Variants in BICRA observed in about 807,000 individuals in gnomAD.
BICRA encodes BRD4-interacting chromatin-remodeling complex-associated protein.
In BICRA, 31 loss-of-function variants were observed where a neutral mutation model predicts 96.9. The ratio of observed to expected loss-of-function variants is 0.32; its 90% CI spans 0.24 to 0.43. The LOEUF is 0.43. Ranked by LOEUF, BICRA falls within the 20% of genes least tolerant of loss-of-function variation. The pLI is 1.00. For synonymous variants in BICRA, 1,350 were observed against 1,071.8 expected, an observed-to-expected ratio of 1.26 and a Z score of -5.07; for missense variants, 2,283 against 2,190.3, an observed-to-expected ratio of 1.04 and a Z score of -0.84.
Position 47,699,444 on chromosome 19 carries a change from G to A in BICRA, c.3595+39G>A. 1 of 1,138,872 alleles carries A rather than the reference G, an allele frequency of 8.8e-7. No individual in the cohort carries two copies. The highest frequency in any genetic ancestry group is 1.3e-6 in the Non-Finnish European group (1 of 770,884). The allele number at this position is 1,138,872 out of a possible 1,614,324, so 70.5% of individuals were successfully genotyped here. A position where few individuals can be genotyped will look rare whatever the true frequency, so the allele number is the denominator to read the frequency against. ...GTGAGAGGGGAGGGGAGGGAGAGGTGCCCCCACCCCACCTGGGCAGAAGAG... is the reference window on the plus strand; with the variant it reads ...GTGAGAGGGGAGGGGAGGGAGAGGTACCCCCACCCCACCTGGGCAGAAGAG... On this transcript the variant is annotated intron_variant, in intron 14 of 14. Coordinates refer to ENST00000594866, the MANE Select transcript of BICRA (RefSeq NM_001394372.1). The surrounding 1 kb of genome is among the most constrained non-coding windows in gnomAD (Gnocchi z 5.0).
At chr19:47,618,473 T>C (rs1972015656) in intron 1 of BICRA, among the ~76,000 whole-genome samples, 1 of 152,110 alleles carries the variant, frequency 6.6e-6, no homozygotes, top group African/African-American at 2.4e-5. Flanking sequence ...ACGGTCACTA[T>C]TGTTAGTGTT....
intron 1 of BICRA, among the ~76,000 whole-genome samples, chr19:47,619,133 C>T (rs2913993): frequency 0.85 from 129,652 of 151,688 alleles, 55,543 homozygotes; most frequent in Admixed American, 0.89. Flanking sequence ...AGAACGTGCG[C>T]GGTGATCTCC....
intron 5 of BICRA, among the ~76,000 whole-genome samples, chr19:47,678,507 G>A (rs897033736): frequency 1.4e-4 from 21 of 152,156 alleles, no homozygotes; most frequent in Admixed American, 1.1e-3. Flanking sequence ...TGCGATGCAG[G>A]ATCACGTTGG....
At chr19:47,640,823 CACTT>C (rs1456340941) in intron 1 of BICRA, among the ~76,000 whole-genome samples, 2 of 151,754 alleles carry the variant, frequency 1.3e-5, no homozygotes, top group East Asian at 1.9e-4. Flanking sequence ...GATTTGAAAA[CACTT>C]ACCCAGTGGC....
chr19:47,627,559 C>T (rs909777204), intron 1 of BICRA, among the ~76,000 whole-genome samples: 3 of 152,134 alleles, frequency 2.0e-5, no homozygotes, highest in Non-Finnish European at 2.9e-5. Flanking sequence ...AGCACTTCTG[C>T]GAAGATTTCT....
At position 47,675,322 on chromosome 19, in the gene BICRA, T is replaced by A. The variant is rs369183391; in HGVS notation, c.85-529T>A. ...TGGACATACATTCACTGGGCACATA[T>A]GTGGATGCCAGGGCCTGTTCTGGGC... On this transcript the variant is annotated intron_variant, in intron 4 of 14. Coordinates refer to ENST00000594866, the MANE Select transcript of BICRA (RefSeq NM_001394372.1). The surrounding 1 kb of genome is among the most constrained non-coding windows in gnomAD (Gnocchi z 4.7). Among the ~76,000 whole-genome samples the A allele has an allele frequency of 6.6e-6, 1 of 152,196 alleles. No homozygotes were observed. Among genetic ancestry groups the A allele is most frequent in the South Asian group, 2.1e-4 (1 of 4,836 alleles).
At chr19:47,642,324 T>C (rs1258114131) in intron 1 of BICRA, among the ~76,000 whole-genome samples, 1 of 152,226 alleles carries the variant, frequency 6.6e-6, no homozygotes, top group African/African-American at 2.4e-5. Context: ...AGTCTTTGTG[T>C]GGACCTATGC....
At position 47,702,920 on chromosome 19, in the gene BICRA, C is replaced by T; in HGVS notation, c.*505C>T. ...GGGGGTGGGGGAGCCAGCCTCCCAG[C>T]GTGCTGTGCCCGCAGGCACCCGTGT... On this transcript the variant is annotated 3_prime_UTR_variant, in exon 15 of 15. Transcript: ENST00000594866. 1 of 177,964 alleles carries T rather than the reference C, an allele frequency of 5.6e-6. No homozygotes were observed. The highest frequency in any genetic ancestry group is 1.2e-5 in the Non-Finnish European group (1 of 86,078). The allele number at this position is 177,964 out of a possible 1,614,324, so 11.0% of individuals were successfully genotyped here.
At chr19:47,662,832 A>T (rs971702876) in intron 1 of BICRA, 2 of 152,188 alleles carry the variant, frequency 1.3e-5, no homozygotes, top group African/African-American at 4.8e-5. Context: ...GCCACTTTGC[A>T]ATCAACCACA....
At position 47,702,213 on chromosome 19, in the gene BICRA, A is replaced by C. The variant is rs1015712984; in HGVS notation, c.4481A>C (p.Asp1494Ala). The C allele has an allele frequency of 6.3e-7, 1 of 1,597,340 alleles. No homozygotes were observed. The highest frequency in any genetic ancestry group is 8.5e-7 in the Non-Finnish European group (1 of 1,177,178). The stretch of plus-strand genomic sequence containing the variant: ...AGCTTCTCCAGCGACAGCCCGCAGG[A>C]TGACACGCTCACCGAGCACCTGCAG... ...QASFSSDSPQ[D>A]DTLTEHLQSA... The change falls in exon 15 of 15, where the codon GAT becomes GCT. Residue 1494 changes from aspartate (D) to alanine (A), a missense_variant. Asp to Ala is a moderately radical substitution (Grantham distance 126). Transcript: ENST00000594866.
chr19:47,702,555 C>A lies in BICRA; in HGVS notation c.*140C>A, dbSNP rs995660285. ...CCTAAGTTATTTGAGTCACAAAGGC[C>A]TCCTTCCCTGCCGCCTGCTTCAGCT... is the stretch of plus-strand genomic sequence containing the variant. On this transcript the variant is annotated 3_prime_UTR_variant, in exon 15 of 15. Transcript: ENST00000594866. 4.0e-6 allele frequency: 4 copies of A among 990,860 alleles called. No homozygotes were observed. In the African/African-American group the frequency reaches 5.2e-5, roughly 13 times the overall value. 61.4% of individuals were successfully genotyped at this position (990,860 alleles called of 1,614,324 possible).
At position 47,698,604 on chromosome 19, in the gene BICRA, GT is replaced by G; in HGVS notation, c.3249-29del. On this transcript the variant is annotated intron_variant, in intron 11 of 14. Coordinates refer to ENST00000594866, the MANE Select transcript of BICRA (RefSeq NM_001394372.1). This position sits in a 1 kb window ranked among gnomAD's most constrained non-coding sequence, Gnocchi z 4.8. ...TCACCCGTCCCCCCCACCCTCCGCC[GT>G]GTGTGGTCTCTCCCCTTTCCACCCG... 2 of 557,588 alleles carry G rather than the reference GT, an allele frequency of 3.6e-6. No individual in the cohort carries two copies. The highest frequency in any genetic ancestry group is 6.7e-6 in the Non-Finnish European group (2 of 296,800). The allele number at this position is 557,588 out of a possible 1,614,324, so 34.5% of individuals were successfully genotyped here.
At chr19:47,676,846 G>A (rs1972949705) in intron 5 of BICRA, among the ~76,000 whole-genome samples, 1 of 151,696 alleles carries the variant, frequency 6.6e-6, no homozygotes, top group Admixed American at 6.6e-5. Flanking sequence ...TTCTTACCAC[G>A]ACCATCATTT....
intron 11 of BICRA, among the ~76,000 whole-genome samples, chr19:47,697,400 A>C (rs77556270): frequency 9.5e-5 from 14 of 147,132 alleles, no homozygotes; most frequent in African/African-American, 2.2e-4. Context: ...GCCCTCACCC[A>C]AAAAAAAAAA....
intron 1 of BICRA, among the ~76,000 whole-genome samples, chr19:47,633,541 C>G (rs1363452067): frequency 1.3e-5 from 2 of 152,158 alleles, no homozygotes; most frequent in African/African-American, 4.8e-5. Context: ...AGGCAACAGC[C>G]AGACCCTTAG....
In BICRA at chr19:47,648,678, TG is replaced by T. The variant is rs200964557; in HGVS notation, c.-107-21764del. On this transcript the variant is annotated intron_variant, in intron 1 of 14. Transcript: ENST00000594866. ...CCTGAGGTCAGGAGTTTTTTTTTTTTGTTTGTTTTTTTTTTTTTGAGACAGA... is the reference window on the plus strand; with the variant it reads ...CCTGAGGTCAGGAGTTTTTTTTTTTTTTTGTTTTTTTTTTTTTGAGACAGA... Among the ~76,000 whole-genome samples, 87 of 147,982 alleles carry T rather than the reference TG, an allele frequency of 5.9e-4. 1 individual carries two copies. Among genetic ancestry groups the T allele is most frequent in the African/African-American group, 1.6e-3 (65 of 40,194 alleles).
intron 1 of BICRA, among the ~76,000 whole-genome samples, chr19:47,628,187 A>T (rs530092770): frequency 6.6e-6 from 1 of 152,130 alleles, no homozygotes; most frequent in African/African-American, 2.4e-5. Flanking sequence ...TATTATTACT[A>T]ACCCCTCTTC....
chr19:47,689,863 T>TA (rs1304209031), intron 7 of BICRA, among the ~76,000 whole-genome samples: 7 of 152,244 alleles, frequency 4.6e-5, no homozygotes, highest in African/African-American at 1.7e-4. Context: ...TGTTTTCTGT[T>TA]AGAGTCTTGA....
chr19:47,633,594 T>G (rs1332929011), intron 1 of BICRA, among the ~76,000 whole-genome samples: 1 of 152,178 alleles, frequency 6.6e-6, no homozygotes, highest in Admixed American at 6.5e-5. Context: ...GGGCAGTTGC[T>G]CAGGGTCAGG....
Sources: allele counts gnomAD v4.1 joint callset (sites outside exome capture counted in the v4.1 genomes callset), GRCh38; gene constraint gnomAD v4.1.1; non-coding constraint Gnocchi (gnomAD v3.1); transcripts MANE v1.5; gene names NCBI Gene and HGNC (gene_info 2026-07-23, HGNC 2026-07-21).